Variants in PAM observed in about 807,000 individuals in gnomAD.
PAM encodes peptidylglycine alpha-amidating monooxygenase, also known as peptidyl-glycine alpha-amidating monooxygenase.
Under a neutral mutation model 122.1 loss-of-function variants are expected in PAM, and 72 were observed. That is an observed-to-expected ratio of 0.59 (90% CI 0.49 to 0.72). The LOEUF is 0.72. Among genes scored for constraint, PAM ranks in the 30% least tolerant of loss-of-function variants. The pLI is 0.00. For missense variants in PAM, 1,106 were observed against 1,183.7 expected (o/e 0.93, Z 0.96); for synonymous variants, 389 against 404.4 (o/e 0.96, Z 0.46).
chr5:102,845,575 T>A (rs1201193054), intron 1 of PAM, among the ~76,000 whole-genome samples: 1 of 152,230 alleles, frequency 6.6e-6, no homozygotes, highest in African/African-American at 2.4e-5. Context: ...TTTCATTCAT[T>A]TAAATATTTG....
rs189139797 is a variant in PAM, at chr5:102,819,470, C to T, written c.-373-46353C>T. 2.2e-3 allele frequency among the ~76,000 whole-genome samples: 335 copies of T among 151,468 alleles called. 1 individual carries two copies. The highest frequency in any genetic ancestry group is 7.6e-3 in the African/African-American group (316 of 41,352). On this transcript the variant is annotated intron_variant, in intron 1 of 25. Coordinates refer to ENST00000438793, the MANE Select transcript of PAM (RefSeq NM_001177306.2). ...GTTTATAAATTTGTAAATTTTCTCA[C>T]CTTATTGAATTTTAGTAGGGTGACT...
chr5:102,883,579 C>T (rs1792011401), intron 3 of PAM, among the ~76,000 whole-genome samples: 1 of 151,956 alleles, frequency 6.6e-6, no homozygotes, highest in African/African-American at 2.4e-5. Context: ...TGAAACTTTG[C>T]TGAATTCATT....
chr5:102,798,199 A>T (rs558739624), intron 1 of PAM, among the ~76,000 whole-genome samples: 2 of 152,320 alleles, frequency 1.3e-5, no homozygotes, highest in East Asian at 3.9e-4. Context: ...TGAGATAAAG[A>T]TGTGCATTGC....
intron 3 of PAM, among the ~76,000 whole-genome samples, chr5:102,874,107 GA>G (rs959741676): frequency 6.6e-6 from 1 of 152,114 alleles, no homozygotes; most frequent in African/African-American, 2.4e-5. Context: ...TAATAGCAAA[GA>G]AAATAGCATC....
In PAM at chr5:103,029,193, T is replaced by G. The variant is rs187458336; in HGVS notation, c.*128T>G. On this transcript the variant is annotated 3_prime_UTR_variant, in exon 26 of 26. Coordinates refer to ENST00000438793, the MANE Select transcript of PAM (RefSeq NM_001177306.2). ...AGTCTGTGTGGGACTGTACACACTT[T>G]ATTTACTTCGTTTTGGTTAAGTTGG... is the stretch of plus-strand genomic sequence containing the variant. 410 of 641,430 alleles carry G rather than the reference T, an allele frequency of 6.4e-4. 6 individuals are homozygous for G. The highest frequency in any genetic ancestry group is 9.6e-4 in the East Asian group (29 of 30,352). 39.7% of individuals were successfully genotyped at this position (641,430 alleles called of 1,614,324 possible). A position where few individuals can be genotyped will look rare whatever the true frequency, so the allele number is the denominator to read the frequency against.
At chr5:102,789,266 T>C (rs995975911) in intron 1 of PAM, among the ~76,000 whole-genome samples, 2 of 152,084 alleles carry the variant, frequency 1.3e-5, no homozygotes, top group African/African-American at 4.8e-5. Context: ...GCAAAACTTA[T>C]CTAGCAATTT....
intron 1 of PAM, among the ~76,000 whole-genome samples, chr5:102,798,761 A>T (rs901599643): frequency 8.5e-5 from 13 of 152,100 alleles, no homozygotes; most frequent in African/African-American, 3.1e-4. Context: ...TTTTTCTGTT[A>T]TAAAGCCCTC....
At chr5:102,811,598 G>C (rs111908368) in intron 1 of PAM, among the ~76,000 whole-genome samples, 1 of 152,250 alleles carries the variant, frequency 6.6e-6, no homozygotes, top group South Asian at 2.1e-4. Context: ...CATATTCACA[G>C]GCTCCAGGAA....
In PAM at chr5:102,899,787, G is replaced by A. The variant is rs545532979; in HGVS notation, c.211-1569G>A. Among the ~76,000 whole-genome samples, 10 of 151,752 alleles carry A rather than the reference G, an allele frequency of 6.6e-5. No homozygotes were observed. The South Asian group carries it at 2.1e-3, about 31-fold the overall frequency. Reference sequence around the variant, plus strand: ...TCCAGTGTGAAGTGAACCTAACTTTGACAAAACAAAAGGGAGGAGACCTTT... The same window carrying A: ...TCCAGTGTGAAGTGAACCTAACTTTAACAAAACAAAAGGGAGGAGACCTTT... On this transcript the variant is annotated intron_variant, in intron 3 of 25. Coordinates refer to ENST00000438793, the MANE Select transcript of PAM (RefSeq NM_001177306.2).
chr5:102,965,162 GACACACAC>G (rs66633444), intron 14 of PAM, among the ~76,000 whole-genome samples: 45 of 138,810 alleles, frequency 3.2e-4, no homozygotes, highest in Middle Eastern at 3.6e-3. Flanking sequence ...TTCCAAAGCA[GACACACAC>G]ACACACACAC....
chr5:102,895,053 T>C (rs890833626), intron 3 of PAM, among the ~76,000 whole-genome samples: 2 of 151,726 alleles, frequency 1.3e-5, no homozygotes, highest in Non-Finnish European at 3.0e-5. Context: ...CAACCAAAAT[T>C]CTTAAATGAA....
At chr5:102,801,770 G>GTTTTTTTTTT (rs1378058562) in intron 1 of PAM, among the ~76,000 whole-genome samples, 2 of 140,396 alleles carry the variant, frequency 1.4e-5, no homozygotes. Flanking sequence ...TAGGGAAAAG[G>GTTTTTTTTTT]TATTTTTTTT....
intron 1 of PAM, among the ~76,000 whole-genome samples, chr5:102,847,783 CT>C (rs1047981239): frequency 3.7e-4 from 57 of 152,204 alleles, no homozygotes; most frequent in African/African-American, 1.3e-3. Flanking sequence ...CCTAAAGAAA[CT>C]CAATTAAAAC....
intron 1 of PAM, among the ~76,000 whole-genome samples, chr5:102,843,926 A>G (rs896624619): frequency 6.6e-6 from 1 of 152,198 alleles, no homozygotes; most frequent in African/African-American, 2.4e-5. Flanking sequence ...ATGGTACAAC[A>G]ATGTTGGAAA....
chr5:102,823,031 C>T (rs556025251), intron 1 of PAM, among the ~76,000 whole-genome samples: 20 of 152,030 alleles, frequency 1.3e-4, no homozygotes, highest in Admixed American at 1.3e-4. Context: ...AGTTTTATTT[C>T]GTTTTTTTCC....
intron 22 of PAM, 130 bp from the exon 23 acceptor site, chr5:103,019,660 C>T: frequency 3.0e-6 from 2 of 670,094 alleles, no homozygotes; most frequent in South Asian, 1.8e-5. Context: ...TGAACTCTTT[C>T]CTAATATAAT....
At chr5:102,894,580 T>C (rs1795664276) in intron 3 of PAM, among the ~76,000 whole-genome samples, 1 of 151,684 alleles carries the variant, frequency 6.6e-6, no homozygotes, top group East Asian at 1.9e-4. Context: ...TTATGTTTCC[T>C]AAATTTACAT....
intron 1 of PAM, among the ~76,000 whole-genome samples, chr5:102,792,935 A>G (rs1444366667): frequency 6.6e-6 from 1 of 152,164 alleles, no homozygotes; most frequent in Non-Finnish European, 1.5e-5. Context: ...AGTGCCTCCT[A>G]GTGGAGTCTA....
rs557909134 is a variant in PAM, at chr5:102,786,234, G to C, written c.-374+30886G>C. On this transcript the variant is annotated intron_variant, in intron 1 of 25. Coordinates refer to ENST00000438793, the MANE Select transcript of PAM (RefSeq NM_001177306.2). ...AGATCCTGGAGCCAGACTGAGCTCT[G>C]TCCACATGTAGAAGGTGTGACTTTG... is the stretch of plus-strand genomic sequence containing the variant. Among the ~76,000 whole-genome samples the C allele has an allele frequency of 3.0e-4, 46 of 152,286 alleles. 1 individual carries two copies. The highest frequency in any genetic ancestry group is 1.1e-3 in the African/African-American group (44 of 41,562).
Sources: gnomAD v4.1 joint callset for allele counts (sites outside exome capture counted in the v4.1 genomes callset) on GRCh38, gnomAD v4.1.1 for gene constraint, MANE v1.5 for transcripts, NCBI Gene and HGNC (gene_info 2026-07-23, HGNC 2026-07-21) for gene names.